DAPK2: variants seen among roughly 807,000 people sequenced by gnomAD.
The protein encoded by DAPK2 is death-associated protein kinase 2.
In DAPK2, 35 loss-of-function variants were observed where a neutral mutation model predicts 44.1. The ratio of observed to expected loss-of-function variants is 0.79; its 90% CI spans 0.61 to 1.05. DAPK2 has a LOEUF of 1.05. DAPK2 is among the 50% of genes least tolerant of loss of function. The pLI, the probability that DAPK2 is intolerant of heterozygous loss-of-function variation, is 0.00. For synonymous variants in DAPK2, 174 were observed against 182.6 expected, an observed-to-expected ratio of 0.95 and a Z score of 0.38; for missense variants, 453 against 483.2, an observed-to-expected ratio of 0.94 and a Z score of 0.59.
chr15:63,969,668 G>A (rs368731537), intron 3 of DAPK2, among the ~76,000 whole-genome samples: 9 of 152,082 alleles, frequency 5.9e-5, no homozygotes, highest in African/African-American at 2.2e-4. Context: ...TTGAGCCCAG[G>A]AAGTCGAGGC....
Position 63,923,351 on chromosome 15 carries a change from G to T in DAPK2, c.858+1465C>A. On this transcript the variant is annotated intron_variant, in intron 8 of 10. Coordinates refer to ENST00000261891, the Ensembl canonical transcript of DAPK2. The surrounding 1 kb of genome is among the most constrained non-coding windows in gnomAD (Gnocchi z 4.2). ...TCTGCCTTCTCCTTTTGACTGGTGG[G>T]TGTTCAGACAGAAGAATCAGAGTGT... 6.5e-7 allele frequency: 1 copy of T among 1,531,782 alleles called. No homozygotes were observed. The highest frequency in any genetic ancestry group is 1.2e-5 in the South Asian group (1 of 83,962). 94.9% of individuals were successfully genotyped at this position (1,531,782 alleles called of 1,614,324 possible). A position where few individuals can be genotyped will look rare whatever the true frequency, so the allele number is the denominator to read the frequency against.
intron 1 of DAPK2, among the ~76,000 whole-genome samples, chr15:64,008,370 C>G (rs1477064206): frequency 6.6e-6 from 1 of 152,204 alleles, no homozygotes; most frequent in Non-Finnish European, 1.5e-5. Context: ...TTATAGAGAT[C>G]AGGAAGTTGA....
rs756693345 is a variant in DAPK2, at chr15:63,923,127, C to T, written c.858+1689G>A. On this transcript the variant is annotated intron_variant, in intron 8 of 10. Transcript: ENST00000261891. This position sits in a 1 kb window ranked among gnomAD's most constrained non-coding sequence, Gnocchi z 4.2. ...AAGATGGAGACCAGGGCCTCCACATCGTCCTGGATGGTATCGTGGGCCTCC... is the reference window on the plus strand; with the variant it reads ...AAGATGGAGACCAGGGCCTCCACATTGTCCTGGATGGTATCGTGGGCCTCC... 1.2e-5 allele frequency: 19 copies of T among 1,535,808 alleles called. No individual in the cohort carries two copies. The highest frequency in any genetic ancestry group is 2.4e-5 in the East Asian group (1 of 40,916).
chr15:63,933,355 T>C (rs1317875165), intron 4 of DAPK2, among the ~76,000 whole-genome samples: 1 of 152,148 alleles, frequency 6.6e-6, no homozygotes, highest in Non-Finnish European at 1.5e-5. Flanking sequence ...GTGATTCTCC[T>C]GCCTCAGCCT....
chr15:63,932,370 C>T (rs1325700327), intron 4 of DAPK2, among the ~76,000 whole-genome samples: 1 of 146,556 alleles, frequency 6.8e-6, no homozygotes, highest in East Asian at 2.0e-4. Context: ...GAGGCTGAGG[C>T]AGGAGAACTG....
rs533703700 is a variant in DAPK2 at position 63,939,701 on chromosome 15, A to G, written c.454-340T>C. On this transcript the variant is annotated intron_variant, in intron 3 of 10. Transcript: ENST00000261891. The surrounding 1 kb of genome is among the most constrained non-coding windows in gnomAD (Gnocchi z 4.3). ...TTTTCCTATCTGTCAAATGGGGCCA[A>G]TGAGATACTTGCAGCATTTCCTGTA... is the stretch of plus-strand genomic sequence containing the variant. Among the ~76,000 whole-genome samples the G allele has an allele frequency of 6.6e-6, 1 of 152,308 alleles. No individual in the cohort carries two copies. The highest frequency in any genetic ancestry group is 1.5e-5 in the Non-Finnish European group (1 of 68,022).
intron 3 of DAPK2, among the ~76,000 whole-genome samples, chr15:63,970,530 G>A (rs969271575): frequency 6.6e-5 from 10 of 152,020 alleles, no homozygotes; most frequent in Admixed American, 6.5e-4. Flanking sequence ...TAGAGTTGCT[G>A]GTTTTTCTAT....
At chr15:64,000,059 C>A (rs569224827) in intron 1 of DAPK2, among the ~76,000 whole-genome samples, 1 of 152,018 alleles carries the variant, frequency 6.6e-6, no homozygotes, top group East Asian at 1.9e-4. Flanking sequence ...CCACCACACC[C>A]GATCAATAAC....
At chr15:63,975,837 G>A (rs562540021) in intron 2 of DAPK2, among the ~76,000 whole-genome samples, 2 of 152,204 alleles carry the variant, frequency 1.3e-5, no homozygotes, top group South Asian at 2.1e-4. Context: ...CAAGCAATCC[G>A]TCCACCTCAG....
rs1249505009 is a variant in DAPK2 at position 64,046,234 on chromosome 15, C to T, written c.-7+64G>A. ...TCGCCCCGCCAGCCCCAGACCCGGG[C>T]GCTGCTGCCGTCAGGCCGCGCGCCC... is the stretch of plus-strand genomic sequence containing the variant. On this transcript the variant is annotated intron_variant, in intron 1 of 11. Coordinates refer to the DAPK2 transcript ENST00000457488. The surrounding 1 kb of genome is among the most constrained non-coding windows in gnomAD (Gnocchi z 5.3). 2 of 703,000 alleles carry T rather than the reference C, an allele frequency of 2.8e-6. No homozygotes were observed. The highest frequency in any genetic ancestry group is 3.5e-6 in the Non-Finnish European group (2 of 571,648). The allele number at this position is 703,000 out of a possible 1,614,324, so 43.5% of individuals were successfully genotyped here.
Position 64,020,631 on chromosome 15 carries a change from G to A in DAPK2, c.92+19539C>T, listed in dbSNP as rs332281. On this transcript the variant is annotated intron_variant, in intron 1 of 10. Transcript: ENST00000261891. This position sits in a 1 kb window ranked among gnomAD's most constrained non-coding sequence, Gnocchi z 4.5. The stretch of plus-strand genomic sequence containing the variant: ...AAAAGAGACACACCCATTTGATAGC[G>A]AAAAGAAATCTAGGCTTAAAGAAAA... 0.039 allele frequency among the ~76,000 whole-genome samples: 5,898 copies of A among 152,254 alleles called. 356 individuals are homozygous for A. Among genetic ancestry groups the A allele is most frequent in the African/African-American group, 0.13 (5,421 of 41,516 alleles).
At chr15:63,976,691 A>T (rs12904468) in intron 2 of DAPK2, among the ~76,000 whole-genome samples, 85,575 of 152,090 alleles carry the variant, frequency 0.56, 24,763 homozygotes, top group East Asian at 0.96. Flanking sequence ...CAGAGTGAGA[A>T]TCGGTCTCAA....
intron 1 of DAPK2, among the ~76,000 whole-genome samples, chr15:64,030,979 TACACACACAC>T (rs71131201): frequency 1.5e-4 from 21 of 140,184 alleles, no homozygotes; most frequent in South Asian, 1.4e-3. Flanking sequence ...AATACACACA[TACACACACAC>T]ACACACACAC....
At chr15:63,984,190 G>C (rs1469672954) in intron 1 of DAPK2, among the ~76,000 whole-genome samples, 1 of 152,156 alleles carries the variant, frequency 6.6e-6, no homozygotes, top group East Asian at 1.9e-4. Flanking sequence ...TCATCATAGT[G>C]GGGGAGCATC....
At chr15:63,949,580 C>T (rs988075103) in intron 3 of DAPK2, among the ~76,000 whole-genome samples, 10 of 152,166 alleles carry the variant, frequency 6.6e-5, no homozygotes, top group Admixed American at 6.5e-4. Flanking sequence ...TTTAGGGGCC[C>T]CCCATCTGTG....
intron 3 of DAPK2, among the ~76,000 whole-genome samples, chr15:63,954,698 G>A (rs1023771735): frequency 2.0e-5 from 3 of 152,148 alleles, no homozygotes; most frequent in African/African-American, 7.2e-5. Context: ...AATGTCATTG[G>A]TATTTTTATA....
intron 8 of DAPK2, among the ~76,000 whole-genome samples, chr15:63,913,055 A>G (rs2078837557): frequency 6.6e-6 from 1 of 152,160 alleles, no homozygotes; most frequent in African/African-American, 2.4e-5. Flanking sequence ...ATTTTACAAC[A>G]CGGATGAACC....
intron 1 of DAPK2, among the ~76,000 whole-genome samples, chr15:63,998,944 C>T (rs2079017177): frequency 1.3e-5 from 2 of 152,212 alleles, no homozygotes; most frequent in Non-Finnish European, 2.9e-5. Context: ...AGGCAGCTTC[C>T]TCGCAAATCT....
rs549959461 is a variant in DAPK2 at position 63,983,301 on chromosome 15, C to T, written c.314+232G>A. On this transcript the variant is annotated intron_variant, in intron 2 of 10. Transcript: ENST00000261891. ...CAGACTTAGGCCATTGCCCTCTGCC[C>T]CTGCTATTCAGCAAGCTTGCCCCTC... 3.3e-5 allele frequency among the ~76,000 whole-genome samples: 5 copies of T among 152,342 alleles called. No homozygotes were observed. In the South Asian group the frequency reaches 1.0e-3, roughly 32 times the overall value.
Sources: allele counts gnomAD v4.1 joint callset (sites outside exome capture counted in the v4.1 genomes callset), GRCh38; gene constraint gnomAD v4.1.1; non-coding constraint Gnocchi (gnomAD v3.1); transcripts MANE v1.5; gene names NCBI Gene and HGNC (gene_info 2026-07-23, HGNC 2026-07-21).